The following SPTB variants were observed in gnomAD, a reference collection of about 807,000 sequenced individuals.
SPTB encodes the protein spectrin beta, erythrocytic.
SPTB carries 45 observed loss-of-function variants against 256.2 expected under a neutral mutation model. The ratio of observed to expected loss-of-function variants is 0.18; its 90% CI spans 0.14 to 0.23. The LOEUF is 0.23. Ranked by LOEUF, SPTB falls within the 10% of genes least tolerant of loss-of-function variation. SPTB has a pLI of 1.00. For missense variants in SPTB, 2,715 were observed against 3,040.4 expected, an observed-to-expected ratio of 0.89 and a Z score of 2.52; for synonymous variants, 1,231 against 1,243.1, an observed-to-expected ratio of 0.99 and a Z score of 0.21.
At chr14:64,834,027 G>A (rs1459724195) in intron 1 of SPTB, among the ~76,000 whole-genome samples, 1 of 151,928 alleles carries the variant, frequency 6.6e-6, no homozygotes. Context: ...ATTGTTTTTT[G>A]TTTTTTGTTT....
chr14:64,767,215 G>A (rs2082199364), intron 31 of SPTB, 88 bp downstream of exon 31: 9 of 1,538,612 alleles, frequency 5.8e-6, no homozygotes, highest in South Asian at 1.1e-5. Flanking sequence ...AAATGCAACT[G>A]GTCCCAATGT....
At chr14:64,849,456 G>A (rs908278431) in intron 1 of SPTB, among the ~76,000 whole-genome samples, 1 of 152,216 alleles carries the variant, frequency 6.6e-6, no homozygotes, top group Non-Finnish European at 1.5e-5. Flanking sequence ...TTCAAGAAAA[G>A]ATAGGGACAA....
intron 15 of SPTB, among the ~76,000 whole-genome samples, chr14:64,791,439 G>GC (rs1303125410): frequency 1.3e-5 from 2 of 151,930 alleles, no homozygotes; most frequent in Non-Finnish European, 2.9e-5. Context: ...TGTATCGCAC[G>GC]CCTGTAATCC....
In SPTB at chr14:64,793,698, C is replaced by A; in HGVS notation, c.1965G>T (p.Glu655Asp). The A allele has an allele frequency of 6.2e-7, 1 of 1,614,212 alleles. No homozygotes were observed. The highest frequency in any genetic ancestry group is 8.5e-7 in the Non-Finnish European group (1 of 1,180,050). ...CCAGGGAAGAATAGATCTGCTCCTT[C>A]TCCTTGATCCAGCTCTCAGCCTCAT... ...EMDEAESWIK[E>D]KEQIYSSLDY... The change falls in exon 14 of 36, where the codon GAG (glutamate) becomes GAT (aspartate). Residue 655 changes from glutamate (E) to aspartate (D), a missense_variant. Transcript: ENST00000644917. This position sits in a 1 kb window ranked among gnomAD's most constrained non-coding sequence, Gnocchi z 7.0.
At position 64,746,736 on chromosome 14, in the gene SPTB, G is replaced by C. The variant is rs2081849015; in HGVS notation, c.*2570C>G. The C allele has an allele frequency of 6.6e-6, 1 of 152,618 alleles. No individual in the cohort carries two copies. Among genetic ancestry groups the C allele is most frequent in the Non-Finnish European group, 1.5e-5 (1 of 68,142 alleles). The allele number at this position is 152,618 out of a possible 1,614,324, so 9.5% of individuals were successfully genotyped here. On this transcript the variant is annotated 3_prime_UTR_variant, in exon 36 of 36. Coordinates refer to ENST00000644917, the MANE Select transcript of SPTB (RefSeq NM_001355436.2). The surrounding 1 kb of genome is among the most constrained non-coding windows in gnomAD (Gnocchi z 4.9). ...AGAGTCAGTTGAGGCTGGGACAAAG[G>C]GGAAGGAGAGAGGGAAGGAGGACCG...
At chr14:64,842,528 C>A (rs144858113) in intron 1 of SPTB, among the ~76,000 whole-genome samples, 1 of 152,310 alleles carries the variant, frequency 6.6e-6, no homozygotes, top group Non-Finnish European at 1.5e-5. Flanking sequence ...TCTATTTCTT[C>A]ATCTGTAAGA....
At chr14:64,877,337 TGAA>T (rs1341813285) in intron 1 of SPTB, among the ~76,000 whole-genome samples, 1 of 152,198 alleles carries the variant, frequency 6.6e-6, no homozygotes, top group Non-Finnish European at 1.5e-5. Flanking sequence ...GTCCTGGGAA[TGAA>T]GATTATGAAG....
At position 64,804,457 on chromosome 14, in the gene SPTB, T is replaced by C. The variant is rs565964023; in HGVS notation, c.300+482A>G. ...AGGCCCAAGGACACAAAGCTTACTC[T>C]GGGCTGAGCAAAACATAAACCTTCA... On this transcript the variant is annotated intron_variant, in intron 3 of 35. Coordinates refer to ENST00000644917, the MANE Select transcript of SPTB (RefSeq NM_001355436.2). Among the ~76,000 whole-genome samples the C allele has an allele frequency of 1.4e-4, 21 of 152,360 alleles. No homozygotes were observed. In the South Asian group the frequency reaches 4.1e-3, roughly 30 times the overall value.
chr14:64,774,122 T>C (rs1261076068), intron 24 of SPTB, among the ~76,000 whole-genome samples: 1 of 152,156 alleles, frequency 6.6e-6, no homozygotes, highest in Non-Finnish European at 1.5e-5. Context: ...CTTCGGAAAA[T>C]TGGTGCTCTC....
chr14:64,799,976 T>C, intron 8 of SPTB, 42 bp from the exon 9 acceptor site: 1 of 1,606,128 alleles, frequency 6.2e-7, no homozygotes, highest in Non-Finnish European at 8.5e-7. Context: ...AGAAGGGCAA[T>C]GCCACCACTG....
intron 15 of SPTB, among the ~76,000 whole-genome samples, chr14:64,788,490 C>T (rs2082613391): frequency 6.6e-6 from 1 of 152,138 alleles, no homozygotes; most frequent in African/African-American, 2.4e-5. Context: ...CCATCCTAGA[C>T]CATGAAGACC....
chr14:64,794,345 AC>A (rs2082728339), intron 13 of SPTB, 121 bp downstream of exon 13: 2 of 1,340,856 alleles, frequency 1.5e-6, no homozygotes, highest in Non-Finnish European at 2.1e-6. Context: ...TTGGACCATT[AC>A]TTGATGAAAG....
chr14:64,814,928 G>A (rs1344934749), intron 2 of SPTB, among the ~76,000 whole-genome samples: 1 of 152,132 alleles, frequency 6.6e-6, no homozygotes, highest in African/African-American at 2.4e-5. Flanking sequence ...TTTTCATCTG[G>A]AGTTTGAAGA....
chr14:64,793,704 G>A lies in SPTB; in HGVS notation c.1959C>T (p.Ile653=), dbSNP rs763815092. 1.2e-6 allele frequency: 2 copies of A among 1,614,172 alleles called. No homozygotes were observed. The highest frequency in any genetic ancestry group is 2.2e-5 in the South Asian group (2 of 91,082). The change falls in exon 14 of 36, where the codon ATC becomes ATT. Residue 653 remains isoleucine, a synonymous_variant. Transcript: ENST00000644917. This position sits in a 1 kb window ranked among gnomAD's most constrained non-coding sequence, Gnocchi z 7.0. Reference sequence around the variant, plus strand: ...AAGAATAGATCTGCTCCTTCTCCTTGATCCAGCTCTCAGCCTCATCCATCT... The same window carrying A: ...AAGAATAGATCTGCTCCTTCTCCTTAATCCAGCTCTCAGCCTCATCCATCT... ...FWEMDEAESW[I]KEKEQIYSSL... is the part of the protein sequence containing the mutation.
intron 1 of SPTB, among the ~76,000 whole-genome samples, chr14:64,865,658 A>G (rs1882137696): frequency 1.3e-5 from 2 of 152,194 alleles, no homozygotes; most frequent in African/African-American, 2.4e-5. Context: ...CATGGTAAGA[A>G]GGGCCTGGCT....
Position 64,841,390 on chromosome 14 carries a change from ACAGTTTTTAAAT to A in SPTB, c.-51-18257_-51-18246del, listed in dbSNP as rs368597432. On this transcript the variant is annotated intron_variant, in intron 1 of 35. Transcript: ENST00000644917. The surrounding 1 kb of genome is among the most constrained non-coding windows in gnomAD (Gnocchi z 4.6). ...GATCAAAGGAGTGGGAAGGTTATAA[ACAGTTTTTAAAT>A]CATCTGAGACGAATTCTTCCACATC... Among the ~76,000 whole-genome samples the A allele has an allele frequency of 1.3e-5, 2 of 152,292 alleles. No homozygotes were observed. The highest frequency in any genetic ancestry group is 3.9e-4 in the East Asian group (2 of 5,190).
At chr14:64,879,641 C>G (rs1302735421) in intron 1 of SPTB, among the ~76,000 whole-genome samples, 151 bp downstream of exon 1, 3 of 152,180 alleles carry the variant, frequency 2.0e-5, no homozygotes, top group Non-Finnish European at 4.4e-5. Context: ...ACCCCACGCC[C>G]GACAACCGGG....
chr14:64,855,708 A>G (rs756050492), intron 1 of SPTB, among the ~76,000 whole-genome samples: 11 of 152,222 alleles, frequency 7.2e-5, no homozygotes, highest in Admixed American at 1.3e-4. Flanking sequence ...CACAAAATTC[A>G]TGAAAAATAA....
chr14:64,823,319 TGCAGCAGCAGCA>T lies in SPTB; in HGVS notation c.-51-186_-51-175del, dbSNP rs534724456. Among the ~76,000 whole-genome samples the T allele has an allele frequency of 6.6e-6, 1 of 152,102 alleles. No individual in the cohort carries two copies. Among genetic ancestry groups the T allele is most frequent in the Non-Finnish European group, 1.5e-5 (1 of 68,014 alleles). ...CTCTGGGTCGTTTGTTATAAAATAT[TGCAGCAGCAGCA>T]GCAGCAACAGTACCGGCAGCAGTGG... On this transcript the variant is annotated intron_variant, in intron 1 of 35. Coordinates refer to ENST00000644917, the MANE Select transcript of SPTB (RefSeq NM_001355436.2). The surrounding 1 kb of genome is among the most constrained non-coding windows in gnomAD (Gnocchi z 6.5).
Sources: gnomAD v4.1 joint callset for allele counts (sites outside exome capture counted in the v4.1 genomes callset) on GRCh38, gnomAD v4.1.1 for gene constraint, Gnocchi (gnomAD v3.1) non-coding constraint, MANE v1.5 for transcripts, NCBI Gene and HGNC (gene_info 2026-07-23, HGNC 2026-07-21) for gene names.